NFIC: variants seen among roughly 807,000 people sequenced by gnomAD.
NFIC encodes nuclear factor I C, also known as nuclear factor 1 C-type.
A neutral mutation model predicts 54.4 loss-of-function variants in NFIC; 12 were observed. That is an observed-to-expected ratio of 0.22 (90% CI 0.14 to 0.36). NFIC has a LOEUF of 0.36. Among genes scored for constraint, NFIC ranks in the 10% least tolerant of loss-of-function variants. The pLI, the probability that NFIC is intolerant of heterozygous loss-of-function variation, is 1.00. For synonymous variants in NFIC, 322 were observed against 319.2 expected (o/e 1.01, Z -0.09); for missense variants, 575 against 718.2 (o/e 0.80, Z 2.28).
At chr19:3,396,225 A>G (rs1433215312) in intron 2 of NFIC, among the ~76,000 whole-genome samples, 2 of 152,218 alleles carry the variant, frequency 1.3e-5, no homozygotes, top group African/African-American at 2.4e-5. Context: ...TAATCCCAGC[A>G]CTTTGGGAGG....
At chr19:3,427,866 GAA>G (rs1469671132) in intron 3 of NFIC, among the ~76,000 whole-genome samples, 1 of 146,506 alleles carries the variant, frequency 6.8e-6, no homozygotes, top group East Asian at 2.0e-4. Flanking sequence ...AGAAAGAAAA[GAA>G]AGAGAGAGAG....
At chr19:3,462,683 CAG>C in intron 10 of NFIC, 67 bp from the exon 11 acceptor site, 2 of 1,546,526 alleles carry the variant, frequency 1.3e-6, no homozygotes, top group Non-Finnish European at 1.8e-6. Context: ...ATGTCTGCAG[CAG>C]AGTCTGACCC....
chr19:3,366,291 G>A (rs755395142), upstream of NFIC, among the ~76,000 whole-genome samples: 14 of 147,776 alleles, frequency 9.5e-5, no homozygotes, highest in Non-Finnish European at 2.1e-4. Flanking sequence ...TCTCGCTCGC[G>A]CCCTTTTTTC....
At chr19:3,368,433 G>A (rs1186256518) in intron 1 of NFIC, among the ~76,000 whole-genome samples, 9 of 152,204 alleles carry the variant, frequency 5.9e-5, no homozygotes, top group African/African-American at 2.2e-4. Flanking sequence ...GCAAGGACCA[G>A]CCAGGAGGGC....
In NFIC at chr19:3,464,626, G is replaced by A. The variant is rs963583280; in HGVS notation, c.*1857G>A. On this transcript the variant is annotated 3_prime_UTR_variant, in exon 11 of 11. Transcript: ENST00000443272. ...CAGGCCAAAGCCAGGGCAGGTCTCC[G>A]GGTCTCACCTGCTCCTAGCCTCACC... The A allele has an allele frequency of 2.1e-6, 2 of 953,694 alleles. No homozygotes were observed. Among genetic ancestry groups the A allele is most frequent in the Non-Finnish European group, 2.5e-6 (2 of 809,020 alleles). 59.1% of individuals were successfully genotyped at this position (953,694 alleles called of 1,614,324 possible).
chr19:3,463,444 G>C lies in NFIC; in HGVS notation c.*675G>C. The C allele has an allele frequency of 1.0e-6, 1 of 985,548 alleles. No homozygotes were observed. The highest frequency in any genetic ancestry group is 1.2e-6 in the Non-Finnish European group (1 of 830,064). The allele number at this position is 985,548 out of a possible 1,614,324, so 61.1% of individuals were successfully genotyped here. A position where few individuals can be genotyped will look rare whatever the true frequency, so the allele number is the denominator to read the frequency against. ...GGGTGCGTGGCGCTTGCGAGCCCTG[G>C]CCAGGGGAGGAAGTGAGGCCCAGGC... is the stretch of plus-strand genomic sequence containing the variant. On this transcript the variant is annotated 3_prime_UTR_variant, in exon 11 of 11. Transcript: ENST00000443272.
upstream of NFIC, among the ~76,000 whole-genome samples, chr19:3,362,080 T>G (rs1440967274): frequency 6.6e-6 from 1 of 152,180 alleles, no homozygotes; most frequent in East Asian, 1.9e-4. Context: ...CCCACCGCGT[T>G]TCTGCAGGGC....
At chr19:3,414,806 T>C (rs2081825056) in intron 2 of NFIC, among the ~76,000 whole-genome samples, 1 of 151,774 alleles carries the variant, frequency 6.6e-6, no homozygotes, top group Non-Finnish European at 1.5e-5. Context: ...CTAAAGTGCT[T>C]AGTTTGTTTT....
chr19:3,396,020 CTCT>C (rs1449912182), intron 2 of NFIC, among the ~76,000 whole-genome samples: 1 of 152,100 alleles, frequency 6.6e-6, no homozygotes, highest in Non-Finnish European at 1.5e-5. Context: ...GGATTTCAGG[CTCT>C]TTGAGCTTTC....
chr19:3,433,128 C>T (rs1179744087), intron 3 of NFIC, among the ~76,000 whole-genome samples: 2 of 152,136 alleles, frequency 1.3e-5, no homozygotes, highest in African/African-American at 4.8e-5. Context: ...CAACACCTGG[C>T]TAATTTTAAC....
intron 1 of NFIC, among the ~76,000 whole-genome samples, chr19:3,376,385 T>C (rs1415750432): frequency 8.3e-6 from 1 of 120,600 alleles, no homozygotes; most frequent in Non-Finnish European, 1.6e-5. Flanking sequence ...GCTGAGATCA[T>C]GCCACCGCCC....
Position 3,458,124 on chromosome 19 carries a change from C to G in NFIC, c.1509+1489C>G, listed in dbSNP as rs2082587784. The G allele has an allele frequency of 6.6e-6, 1 of 152,306 alleles. No homozygotes were observed. Among genetic ancestry groups the G allele is most frequent in the Non-Finnish European group, 1.5e-5 (1 of 68,110 alleles). The allele number at this position is 152,306 out of a possible 1,614,324, so 9.4% of individuals were successfully genotyped here. A position where few individuals can be genotyped will look rare whatever the true frequency, so the allele number is the denominator to read the frequency against. On this transcript the variant is annotated intron_variant, in intron 10 of 10. Transcript: ENST00000443272. The surrounding 1 kb of genome is among the most constrained non-coding windows in gnomAD (Gnocchi z 4.1). ...GAAAGGTTCAGGCTTCCCCACACCC[C>G]GTAAATATTAAGTACCCTGCCTTGC... is the stretch of plus-strand genomic sequence containing the variant.
At chr19:3,368,188 G>C (rs1201619927) in intron 1 of NFIC, among the ~76,000 whole-genome samples, 1 of 152,212 alleles carries the variant, frequency 6.6e-6, no homozygotes, top group African/African-American at 2.4e-5. Flanking sequence ...GGGTGACTGA[G>C]GTGTCCCCGC....
chr19:3,436,209 A>G (rs1200605066), intron 6 of NFIC, among the ~76,000 whole-genome samples: 2 of 151,230 alleles, frequency 1.3e-5, no homozygotes, highest in East Asian at 3.9e-4. Flanking sequence ...CCGGGGTGCA[A>G]TCTTGGCTCA....
At position 3,464,526 on chromosome 19, in the gene NFIC, G is replaced by GGGCCCCCCC; in HGVS notation, c.*1757_*1758insGGCCCCCCC. ...GCTCAAACACAAGGACCCCTCCCCGGCCCACCCAGCCCAGCCCCAACTGAC... is the reference window on the plus strand; with the variant it reads ...GCTCAAACACAAGGACCCCTCCCCGGGGCCCCCCCCCCACCCAGCCCAGCCCCAACTGAC... On this transcript the variant is annotated 3_prime_UTR_variant, in exon 11 of 11. Coordinates refer to ENST00000443272, the MANE Select transcript of NFIC (RefSeq NM_001245002.2). 1.1e-6 allele frequency: 1 copy of GGGCCCCCCC among 935,210 alleles called. No homozygotes were observed. The highest frequency in any genetic ancestry group is 1.3e-6 in the Non-Finnish European group (1 of 799,380). The allele number at this position is 935,210 out of a possible 1,614,324, so 57.9% of individuals were successfully genotyped here. A position where few individuals can be genotyped will look rare whatever the true frequency, so the allele number is the denominator to read the frequency against.
At chr19:3,419,866 A>G (rs1425126707) in intron 2 of NFIC, among the ~76,000 whole-genome samples, 5 of 152,020 alleles carry the variant, frequency 3.3e-5, no homozygotes, top group Admixed American at 3.3e-4. Flanking sequence ...AAAAGAAGAA[A>G]ACTTCCTTAA....
At chr19:3,442,326 G>A (rs995004719) in intron 6 of NFIC, among the ~76,000 whole-genome samples, 7 of 152,124 alleles carry the variant, frequency 4.6e-5, no homozygotes, top group African/African-American at 1.2e-4. Flanking sequence ...TACACAGGGC[G>A]GGGCAGGCAG....
At chr19:3,372,868 A>G (rs1228466638) in intron 1 of NFIC, among the ~76,000 whole-genome samples, 1 of 151,166 alleles carries the variant, frequency 6.6e-6, no homozygotes, top group Non-Finnish European at 1.5e-5. Context: ...TTTTTGAAAC[A>G]GAGTCTCGCT....
At chr19:3,434,500 T>C in intron 5 of NFIC, 100 bp downstream of exon 5, 1 of 1,445,072 alleles carries the variant, frequency 6.9e-7, no homozygotes, top group Non-Finnish European at 9.2e-7. Context: ...GGAATACCTC[T>C]TTTCACGATT....
Sources: allele counts gnomAD v4.1 joint callset (sites outside exome capture counted in the v4.1 genomes callset), GRCh38; gene constraint gnomAD v4.1.1; non-coding constraint Gnocchi (gnomAD v3.1); transcripts MANE v1.5; gene names NCBI Gene and HGNC (gene_info 2026-07-23, HGNC 2026-07-21).